HERC1: variants seen among roughly 807,000 people sequenced by gnomAD.
HERC1 encodes HECT and RLD domain containing E3 ubiquitin protein ligase family member 1.
In HERC1, 160 loss-of-function variants were observed where a neutral mutation model predicts 554.3. The ratio of observed to expected loss-of-function variants is 0.29; its 90% confidence interval spans 0.25 to 0.33. HERC1 has a LOEUF of 0.33. Among genes scored for constraint, HERC1 ranks in the 10% least tolerant of loss-of-function variants. The probability of loss-of-function intolerance (pLI) is 1.00; values close to 1 mark genes in which losing one functional copy is unlikely to be tolerated. For missense variants in HERC1, 4,919 were observed against 5,918.5 expected (o/e 0.83, Z 5.54); for synonymous variants, 2,175 against 2,131.7 (o/e 1.02, Z -0.56).
At position 63,727,701 on chromosome 15, in the gene HERC1, G is replaced by C; in HGVS notation, c.3292C>G (p.Leu1098Val). The change falls in exon 17 of 78, where the codon CTC (leucine) becomes GTC (valine). Residue 1098 changes from leucine (L) to valine (V), a missense_variant. Leu to Val is a conservative substitution (Grantham distance 32, BLOSUM62 1). This residue lies in a region of HERC1 where 1,121 missense variants were observed against 1,244.0 expected (regional missense o/e 0.90). Transcript: ENST00000443617. The surrounding 1 kb of genome is among the most constrained non-coding windows in gnomAD (Gnocchi z 4.3). ...TCTAAAAGATCAGCAGCTGGCAGGA[G>C]TCTATTAAGGCAATCAAGAGGTGGC... ...LLPPLDCLNR[L>V]LPAADLLEDQ... 1.9e-6 allele frequency: 3 copies of C among 1,613,738 alleles called. No homozygotes were observed. Among genetic ancestry groups the C allele is most frequent in the Non-Finnish European group, 2.5e-6 (3 of 1,179,790 alleles).
At chr15:63,664,671 G>A in intron 42 of HERC1, 77 bp from the exon 43 acceptor site, 1 of 1,239,990 alleles carries the variant, frequency 8.1e-7, no homozygotes, top group Non-Finnish European at 1.1e-6. Context: ...AAGCTTACTT[G>A]TAGTACTACT....
intron 1 of HERC1, among the ~76,000 whole-genome samples, chr15:63,816,299 C>A (rs1465007050): frequency 6.6e-6 from 1 of 152,128 alleles, no homozygotes; most frequent in Non-Finnish European, 1.5e-5. Flanking sequence ...CAAGTTTATT[C>A]GACTCCAGAG....
intron 34 of HERC1, 130 bp downstream of exon 34, chr15:63,686,229 T>C (rs951625221): frequency 6.0e-5 from 38 of 634,134 alleles, no homozygotes; most frequent in Non-Finnish European, 2.4e-5. Context: ...CCATTTATAT[T>C]ATCTTACATA....
chr15:63,760,492 C>G (rs74334633), intron 3 of HERC1, among the ~76,000 whole-genome samples: 3,731 of 147,832 alleles, frequency 0.025, 114 homozygotes, highest in Admixed American at 0.1. Context: ...ATTACAAACC[C>G]TCAAAAATGA....
intron 68 of HERC1, among the ~76,000 whole-genome samples, chr15:63,631,980 C>A (rs2068580815): frequency 6.6e-6 from 1 of 152,192 alleles, no homozygotes; most frequent in African/African-American, 2.4e-5. Context: ...TATCATTATG[C>A]AGCTAATGTC....
chr15:63,631,030 G>GT (rs1300273590), intron 68 of HERC1, among the ~76,000 whole-genome samples: 2 of 152,182 alleles, frequency 1.3e-5, no homozygotes, highest in Admixed American at 1.3e-4. Context: ...CTGGAGTACA[G>GT]TGCAGTGGTG....
chr15:63,626,596 T>G (rs1304327797), intron 70 of HERC1, among the ~76,000 whole-genome samples: 1 of 152,190 alleles, frequency 6.6e-6, no homozygotes, highest in African/African-American at 2.4e-5. Flanking sequence ...CCATATTCAC[T>G]AGGGATCTGA....
In HERC1 at chr15:63,718,436, C is replaced by A; in HGVS notation, c.3978+138G>T. 3 of 612,368 alleles carry A rather than the reference C, an allele frequency of 4.9e-6. No individual in the cohort carries two copies. The highest frequency in any genetic ancestry group is 7.3e-6 in the Non-Finnish European group (3 of 412,472). 37.9% of individuals were successfully genotyped at this position (612,368 alleles called of 1,614,324 possible). On this transcript the variant is annotated intron_variant, in intron 21 of 77. Transcript: ENST00000443617. The surrounding 1 kb of genome is among the most constrained non-coding windows in gnomAD (Gnocchi z 4.2). ...CTCAAATCTTTTCCTTTTTTTTTTT[C>A]TGCTAGGAAAAGAACTACTCAACAT...
At chr15:63,751,149 C>A (rs1282981371) in intron 8 of HERC1, among the ~76,000 whole-genome samples, 1 of 152,128 alleles carries the variant, frequency 6.6e-6, no homozygotes, top group African/African-American at 2.4e-5. Context: ...ACCATTCGGT[C>A]AATAGCAGAC....
chr15:63,728,451 G>C (rs2074125492), intron 16 of HERC1, among the ~76,000 whole-genome samples: 1 of 152,114 alleles, frequency 6.6e-6, no homozygotes, highest in African/African-American at 2.4e-5. Context: ...AGTTGCTGTG[G>C]AACAGCCAAA....
At chr15:63,664,246 T>G (rs2070501619) in intron 43 of HERC1, among the ~76,000 whole-genome samples, 1 of 152,224 alleles carries the variant, frequency 6.6e-6, no homozygotes, top group African/African-American at 2.4e-5. Context: ...GTGGCCAGTA[T>G]AGACTTCTGC....
At position 63,694,251 on chromosome 15, in the gene HERC1, A is replaced by G. The variant is rs1371490580; in HGVS notation, c.5480+61T>C. The G allele has an allele frequency of 2.5e-6, 4 of 1,568,946 alleles. No homozygotes were observed. The East Asian group carries it at 9.4e-5, about 37-fold the overall frequency. ...AAAGCAGATTAGAGGGAAAGGGGGA[A>G]TTCTAAAATGGAGGAAGACCAGACT... On this transcript the variant is annotated intron_variant, in intron 29 of 77. Transcript: ENST00000443617. This position sits in a 1 kb window ranked among gnomAD's most constrained non-coding sequence, Gnocchi z 4.3.
intron 34 of HERC1, among the ~76,000 whole-genome samples, chr15:63,681,564 C>T (rs761170664): frequency 6.6e-6 from 1 of 151,754 alleles, no homozygotes; most frequent in Admixed American, 6.6e-5. Context: ...GGGAATTTGA[C>T]TGGTAAAGTT....
chr15:63,787,417 A>G (rs1270674016), intron 1 of HERC1, among the ~76,000 whole-genome samples: 1 of 152,110 alleles, frequency 6.6e-6, no homozygotes, highest in African/African-American at 2.4e-5. Flanking sequence ...TCAGCCTCCC[A>G]AAGTGCTGGA....
At chr15:63,632,952 A>C (rs1392439893) in intron 67 of HERC1, 141 bp from the exon 68 acceptor site, 3 of 630,648 alleles carry the variant, frequency 4.8e-6, no homozygotes, top group African/African-American at 3.7e-5. Flanking sequence ...TCCAAACCTG[A>C]AATGTTATTT....
chr15:63,695,034 G>T, intron 27 of HERC1, 140 bp from the exon 28 acceptor site: 1 of 650,524 alleles, frequency 1.5e-6, no homozygotes, highest in Non-Finnish European at 2.2e-6. Flanking sequence ...CATATATAAA[G>T]TATATAATAA....
chr15:63,642,714 A>G (rs953656229), intron 59 of HERC1, among the ~76,000 whole-genome samples: 1 of 152,224 alleles, frequency 6.6e-6, no homozygotes, highest in Non-Finnish European at 1.5e-5. Flanking sequence ...AATGGAAATG[A>G]AATTGTTCAA....
intron 1 of HERC1, among the ~76,000 whole-genome samples, chr15:63,809,389 A>G (rs1260609420): frequency 1.3e-5 from 2 of 152,248 alleles, no homozygotes; most frequent in Non-Finnish European, 2.9e-5. Flanking sequence ...AGATTTATCC[A>G]TAGTAAATTC....
chr15:63,737,299 G>A (rs73450271), intron 12 of HERC1, among the ~76,000 whole-genome samples: 39,449 of 146,860 alleles, frequency 0.27, 5,864 homozygotes, highest in Middle Eastern at 0.39. Context: ...GTTCCAGAGA[G>A]AAAGAAAGAA....
Sources: allele counts gnomAD v4.1 joint callset (sites outside exome capture counted in the v4.1 genomes callset), GRCh38; gene constraint gnomAD v4.1.1; regional missense constraint gnomAD v4.1.1; non-coding constraint Gnocchi (gnomAD v3.1); transcripts MANE v1.5; gene names NCBI Gene and HGNC (gene_info 2026-07-23, HGNC 2026-07-21).